DOCK11: variants seen among roughly 807,000 people sequenced by gnomAD.
The protein encoded by DOCK11 is dedicator of cytokinesis 11.
A neutral mutation model predicts 169.1 loss-of-function variants in DOCK11; 70 were observed. The observed-to-expected ratio is 0.41, with a 90% confidence interval of 0.34 to 0.51. The LOEUF (loss-of-function observed/expected upper bound fraction) is 0.51, where lower values mean the gene tolerates loss of function less well. Among genes scored for constraint, DOCK11 ranks in the 20% least tolerant of loss-of-function variants. The pLI is 0.10. For synonymous variants in DOCK11, 529 were observed against 541.3 expected (o/e 0.98, Z 0.32); for missense variants, 1,166 against 1,538.8 (o/e 0.76, Z 4.05).
chrX:118,610,494 T>C, intron 28 of DOCK11, 76 bp downstream of exon 28: 1 of 1,095,575 alleles, frequency 9.1e-7, no homozygotes, highest in Non-Finnish European at 1.2e-6. Flanking sequence ...AATTAAGCAC[T>C]TTCTAGAGGC....
At chrX:118,600,114 A>G (rs1445620466) in intron 23 of DOCK11, among the ~76,000 whole-genome samples, 1 of 111,638 alleles carries the variant, frequency 9.0e-6, no homozygotes, top group Non-Finnish European at 1.9e-5. Flanking sequence ...TGAGACTTAA[A>G]TGAGATGATG....
At chrX:118,546,149 T>A in intron 6 of DOCK11, 33 bp downstream of exon 6, 2 of 865,213 alleles carry the variant, frequency 2.3e-6, no homozygotes, top group Non-Finnish European at 3.3e-6. Flanking sequence ...TTCCATCATT[T>A]TAATGATATT....
intron 28 of DOCK11, among the ~76,000 whole-genome samples, chrX:118,612,302 T>G (rs771311356): frequency 8.9e-6 from 1 of 112,167 alleles, no homozygotes; most frequent in Non-Finnish European, 1.9e-5. Flanking sequence ...AAATAAAGTT[T>G]TAACCCTATT....
At chrX:118,548,062 AAATGCATGAAGG>A (rs2012352190) in intron 6 of DOCK11, among the ~76,000 whole-genome samples, 1 of 111,818 alleles carries the variant, frequency 8.9e-6, no homozygotes, top group Admixed American at 9.5e-5. Context: ...TTAAATAAAT[AAATGCATGAAGG>A]AATGAATGGT....
chrX:118,544,645 C>CTTTTTTTTTTTTTTTT lies in DOCK11; in HGVS notation c.393-661_393-646dup, dbSNP rs1157804079. Among the ~76,000 whole-genome samples the CTTTTTTTTTTTTTTTT allele has an allele frequency of 1.2e-3, 28 of 23,367 alleles. 5 individuals are homozygous for CTTTTTTTTTTTTTTTT. The highest frequency in any genetic ancestry group is 1.4e-3 in the African/African-American group (8 of 5,545). 20.3% of individuals were successfully genotyped at this position (23,367 alleles called of 115,157 possible). ...TGCAAGAGCCAGAATTACACTGTTGCTTTTTTTTTTTTTTTTTTTTTTTTT... is the reference window on the plus strand; with the variant it reads ...TGCAAGAGCCAGAATTACACTGTTGCTTTTTTTTTTTTTTTTTTTTTTTTTTTTTTTTTTTTTTTTT... On this transcript the variant is annotated intron_variant, in intron 4 of 52. Transcript: ENST00000276202.
intron 14 of DOCK11, among the ~76,000 whole-genome samples, chrX:118,584,352 C>G (rs1287106575): frequency 1.8e-5 from 2 of 112,379 alleles, no homozygotes; most frequent in African/African-American, 6.5e-5. Context: ...TCTTGAGATT[C>G]ATCCATATTG....
intron 12 of DOCK11, among the ~76,000 whole-genome samples, chrX:118,574,866 G>A (rs2013396209): frequency 9.0e-6 from 1 of 111,619 alleles, no homozygotes; most frequent in Non-Finnish European, 1.9e-5. Flanking sequence ...TTCAGAAAGA[G>A]CTTAACTGTT....
At chrX:118,646,376 T>C (rs924565960) in intron 40 of DOCK11, among the ~76,000 whole-genome samples, 1 of 110,043 alleles carries the variant, frequency 9.1e-6, no homozygotes, top group African/African-American at 3.3e-5. Context: ...GAGCAGAACA[T>C]TGGAGAGAAA....
chrX:118,506,254 C>CAA (rs1290955598), intron 1 of DOCK11, among the ~76,000 whole-genome samples: 8 of 71,385 alleles, frequency 1.1e-4, no homozygotes, highest in African/African-American at 3.9e-4. Context: ...GACCCTGTCT[C>CAA]AAAAAAAAAA....
At chrX:118,511,997 A>G (rs780964735) in intron 1 of DOCK11, among the ~76,000 whole-genome samples, 2 of 112,180 alleles carry the variant, frequency 1.8e-5, no homozygotes, top group South Asian at 7.4e-4. Flanking sequence ...CACTGCAACC[A>G]CCGACTCCGG....
chrX:118,545,968 A>G (rs1051557237), intron 5 of DOCK11, 53 bp from the exon 6 acceptor site: 1 of 904,322 alleles, frequency 1.1e-6, no homozygotes, highest in Non-Finnish European at 1.6e-6. Flanking sequence ...ATGTTTCGCT[A>G]ATTAGATGGC....
chrX:118,681,349 TACTG>T lies in DOCK11; in HGVS notation c.5862+103_5862+106del, dbSNP rs59956286. ...TAATTGTAATTATGTGTTGGGCACTTACTGAGTGCAAAAACCTGTGCATTATTTT... is the reference window on the plus strand; with the variant it reads ...TAATTGTAATTATGTGTTGGGCACTTAGTGCAAAAACCTGTGCATTATTTT... On this transcript the variant is annotated intron_variant, in intron 50 of 52. Coordinates refer to ENST00000276202, the MANE Select transcript of DOCK11 (RefSeq NM_144658.4). 6.5e-3 allele frequency: 5,151 copies of T among 790,775 alleles called. 173 individuals carry two copies. The African/African-American group carries it at 0.095, about 15-fold the overall frequency. The allele number at this position is 790,775 out of a possible 1,213,427, so 65.2% of individuals were successfully genotyped here. A position where few individuals can be genotyped will look rare whatever the true frequency, so the allele number is the denominator to read the frequency against.
intron 32 of DOCK11, among the ~76,000 whole-genome samples, chrX:118,626,954 G>T (rs887787002): frequency 3.6e-5 from 4 of 112,655 alleles, no homozygotes; most frequent in Non-Finnish European, 7.5e-5. Context: ...ACCAGGCTGG[G>T]CGCCGTGGCA....
chrX:118,669,529 G>T (rs1004867361), intron 45 of DOCK11, among the ~76,000 whole-genome samples: 2 of 111,550 alleles, frequency 1.8e-5, no homozygotes, highest in African/African-American at 6.5e-5. Context: ...TGATGGAAGG[G>T]GGTGAGCTAA....
chrX:118,626,262 G>A (rs200352344), intron 32 of DOCK11, among the ~76,000 whole-genome samples: 1 of 96,924 alleles, frequency 1.0e-5, no homozygotes, highest in South Asian at 4.9e-4. Flanking sequence ...AGAGACGGGG[G>A]GTTTCACCAT....
chrX:118,665,631 A>G (rs901735039), intron 45 of DOCK11, among the ~76,000 whole-genome samples: 9 of 112,297 alleles, frequency 8.0e-5, no homozygotes, highest in African/African-American at 2.6e-4. Context: ...CAAGTAATTT[A>G]TACATACTTC....
intron 1 of DOCK11, among the ~76,000 whole-genome samples, chrX:118,527,463 C>T (rs942019188): frequency 1.4e-4 from 16 of 111,545 alleles, no homozygotes; most frequent in Non-Finnish European, 2.8e-4. Context: ...AACTCTGGTC[C>T]GAGGTTCCTT....
At chrX:118,578,733 A>T (rs1035985588) in intron 13 of DOCK11, 86 bp downstream of exon 13, 3 of 928,452 alleles carry the variant, frequency 3.2e-6, no homozygotes, top group African/African-American at 3.9e-5. Flanking sequence ...TGCTTTGAGC[A>T]TGCTATATAT....
At chrX:118,644,765 T>C (rs2015614147) in intron 40 of DOCK11, among the ~76,000 whole-genome samples, 1 of 112,107 alleles carries the variant, frequency 8.9e-6, no homozygotes, top group Admixed American at 9.5e-5. Context: ...GTACAGATCA[T>C]GTGGACTCAT....
Sources: allele counts gnomAD v4.1 joint callset (sites outside exome capture counted in the v4.1 genomes callset), GRCh38; gene constraint gnomAD v4.1.1; transcripts MANE v1.5; gene names NCBI Gene and HGNC (gene_info 2026-07-23, HGNC 2026-07-21).